The following CC2D1B variants were observed in gnomAD, a reference collection of about 807,000 sequenced individuals.
The protein encoded by CC2D1B is coiled-coil and C2 domain containing 1B, also known as coiled-coil and C2 domain-containing protein 1B.
A neutral mutation model predicts 110.8 loss-of-function variants in CC2D1B; 92 were observed. That is an observed-to-expected ratio of 0.83 (90% CI 0.70 to 0.99). The LOEUF is 0.99. Ranked by LOEUF, CC2D1B falls within the 50% of genes least tolerant of loss-of-function variation. The pLI, the probability that CC2D1B is intolerant of heterozygous loss-of-function variation, is 0.00. For synonymous variants in CC2D1B, 406 were observed against 429.2 expected, an observed-to-expected ratio of 0.95 and a Z score of 0.67; for missense variants, 1,136 against 1,089.0, an observed-to-expected ratio of 1.04 and a Z score of -0.61.
Position 52,362,685 on chromosome 1 carries a change from T to G in CC2D1B, c.131A>C (p.Asp44Ala). The G allele has an allele frequency of 6.2e-7, 1 of 1,614,154 alleles. No individual in the cohort carries two copies. Among genetic ancestry groups the G allele is most frequent in the African/African-American group, 1.3e-5 (1 of 75,036 alleles). Residue 44 changes from aspartate to alanine, a missense_variant, in exon 3 of 25, where the codon GAT (aspartate) becomes GCT (alanine). Transcript: ENST00000284376. Reference protein sequence around the residue: ...DMLLGMDEAEDDEDLEAELLA... With the variant: ...DMLLGMDEAEADEDLEAELLA... ...CAGCTCAGCCTCCAGGTCCTCATCATCTTCAGCCTCATCCATGCCCAGCAG... is the reference window on the plus strand; with the variant it reads ...CAGCTCAGCCTCCAGGTCCTCATCAGCTTCAGCCTCATCCATGCCCAGCAG...
In CC2D1B at chr1:52,351,402, G is replaced by A. The variant is rs546234564; in HGVS notation, c.*1823C>T. On this transcript the variant is annotated 3_prime_UTR_variant, in exon 25 of 25. Coordinates refer to ENST00000284376, the MANE Select transcript of CC2D1B (RefSeq NM_001330585.2). ...CCGTAACCCTCTTAGGAAGCACTGG[G>A]TTGGATACACACCCTAAGGGGAGTA... 26 of 152,290 alleles carry A rather than the reference G, an allele frequency of 1.7e-4. No homozygotes were observed. Among genetic ancestry groups the A allele is most frequent in the African/African-American group, 5.8e-4 (24 of 41,540 alleles). 9.4% of individuals were successfully genotyped at this position (152,290 alleles called of 1,614,324 possible).
At chr1:52,356,535 C>T (rs1646656791) in intron 16 of CC2D1B, 93 bp from the exon 17 acceptor site, 1 of 1,336,712 alleles carries the variant, frequency 7.5e-7, no homozygotes. Context: ...TTCAACTTTC[C>T]TCTGTAGCCT....
At chr1:52,362,193 C>A (rs77106171) in intron 3 of CC2D1B, among the ~76,000 whole-genome samples, 6 of 152,132 alleles carry the variant, frequency 3.9e-5, no homozygotes, top group Non-Finnish European at 8.8e-5. Flanking sequence ...AAAGAGAGGA[C>A]GATTTAGACC....
intron 24 of CC2D1B, 121 bp from the exon 25 acceptor site, chr1:52,353,344 T>C: frequency 6.7e-7 from 1 of 1,493,058 alleles, no homozygotes; most frequent in Non-Finnish European, 8.9e-7. Flanking sequence ...AAGGTTACCT[T>C]CTCTTCCCAG....
chr1:52,359,234 C>G lies in CC2D1B; in HGVS notation c.1126+16G>C. 2 of 1,611,438 alleles carry G rather than the reference C, an allele frequency of 1.2e-6. No homozygotes were observed. Reference sequence around the variant, plus strand: ...CCTGCAGGTCCCCACGCCACAGTCCCACCATCCTGCCCTACCTGGGGTTGC... The same window carrying G: ...CCTGCAGGTCCCCACGCCACAGTCCGACCATCCTGCCCTACCTGGGGTTGC... On this transcript the variant is annotated intron_variant, in intron 10 of 24. Coordinates refer to ENST00000284376, the MANE Select transcript of CC2D1B (RefSeq NM_001330585.2).
In CC2D1B at chr1:52,357,679, C is replaced by T. The variant is rs1215456825; in HGVS notation, c.1599G>A (p.Leu533=). Residue 533 remains leucine, a synonymous_variant, in exon 15 of 25, where the codon CTG becomes CTA. Transcript: ENST00000284376. ...GATACTGCAGTTTCCGTGCCTCCAG[C>T]AGTGCCAGCTGCTCCCGCACTGAAG... ...PSPSVREQLA[L]LEARKLQYQR... The T allele has an allele frequency of 2.5e-6, 4 of 1,604,834 alleles. No individual in the cohort carries two copies. In the Admixed American group the frequency reaches 5.1e-5, roughly 21 times the overall value.
Position 52,353,648 on chromosome 1 carries a change from C to T in CC2D1B, c.2431-1G>A. ...CGGTGGGCTTCCTTCCATCCAGGACCTGTGAGGACCACAGAGAGGGAAATG... is the reference window on the plus strand; with the variant it reads ...CGGTGGGCTTCCTTCCATCCAGGACTTGTGAGGACCACAGAGAGGGAAATG... On this transcript the variant is annotated splice_acceptor_variant, in intron 23 of 24. Coordinates refer to ENST00000284376, the MANE Select transcript of CC2D1B (RefSeq NM_001330585.2). LOFTEE classifies it high-confidence loss of function. The T allele has an allele frequency of 1.3e-6, 2 of 1,594,870 alleles. No individual in the cohort carries two copies. Among genetic ancestry groups the T allele is most frequent in the Non-Finnish European group, 1.7e-6 (2 of 1,170,284 alleles).
In CC2D1B at chr1:52,356,635, TGAG is replaced by T. The variant is rs1646659314; in HGVS notation, c.1879-196_1879-194del. 5 of 638,456 alleles carry T rather than the reference TGAG, an allele frequency of 7.8e-6. No individual in the cohort carries two copies. The South Asian group carries it at 9.9e-5, about 13-fold the overall frequency. The allele number at this position is 638,456 out of a possible 1,614,324, so 39.5% of individuals were successfully genotyped here. On this transcript the variant is annotated intron_variant, in intron 16 of 24. Coordinates refer to ENST00000284376, the MANE Select transcript of CC2D1B (RefSeq NM_001330585.2). ...CCTACACTTTTGTCATTTTCTCTTCTGAGGAGAGCCATTCCCCAAATTAGCAAC... is the reference window on the plus strand; with the variant it reads ...CCTACACTTTTGTCATTTTCTCTTCTGAGAGCCATTCCCCAAATTAGCAAC...
Position 52,353,584 on chromosome 1 carries a change from G to A in CC2D1B, c.2494C>T (p.Leu832=). The part of the protein sequence containing the change: ...LEVKVRLREP[L]SGQDVQMVTE... ...ACCATCTGCACATCCTGGCCACTCA[G>A]AGGCTCCCGCAGCCTCACCTTCACC... The change falls in exon 24 of 25, where the codon CTG becomes TTG. Residue 832 remains leucine, a synonymous_variant. Coordinates refer to ENST00000284376, the MANE Select transcript of CC2D1B (RefSeq NM_001330585.2). The A allele has an allele frequency of 6.2e-7, 1 of 1,613,812 alleles. No homozygotes were observed.
rs1646768358 is a variant in CC2D1B at position 52,360,957 on chromosome 1, C to T, written c.477+17G>A. ...ACAGGAGCATCAGAGGCACAGGGGC[C>T]CTCCTCCAGAACCCACCTGAGCTGC... On this transcript the variant is annotated intron_variant, in intron 5 of 24. Transcript: ENST00000284376. 6.2e-7 allele frequency: 1 copy of T among 1,613,468 alleles called. No homozygotes were observed. Among genetic ancestry groups the T allele is most frequent in the Admixed American group, 1.7e-5 (1 of 59,996 alleles).
chr1:52,358,870 C>A, intron 11 of CC2D1B, 112 bp from the exon 12 acceptor site: 4 of 1,429,732 alleles, frequency 2.8e-6, no homozygotes, highest in Non-Finnish European at 2.9e-6. Context: ...GACAGCAGCC[C>A]TGGGAGAAAA....
intron 2 of CC2D1B, 87 bp downstream of exon 2, chr1:52,364,465 G>A (rs181058383): frequency 6.5e-6 from 5 of 767,868 alleles, no homozygotes; most frequent in Admixed American, 2.7e-5. Context: ...ACTAATGGGG[G>A]AACTACATGT....
At chr1:52,361,414 G>T in intron 4 of CC2D1B, 99 bp downstream of exon 4, 1 of 1,569,694 alleles carries the variant, frequency 6.4e-7, no homozygotes. Context: ...CTCAGAGTCA[G>T]AGAATACAGG....
chr1:52,356,155 C>T, intron 18 of CC2D1B, 31 bp downstream of exon 18: 7 of 1,566,512 alleles, frequency 4.5e-6, no homozygotes, highest in Admixed American at 1.7e-5. Flanking sequence ...CCCTCCCTGC[C>T]TGGAGCCCCT....
At position 52,355,638 on chromosome 1, in the gene CC2D1B, A is replaced by C. The variant is rs1372043755; in HGVS notation, c.2157T>G (p.Phe719Leu). 6.2e-7 allele frequency: 1 copy of C among 1,614,096 alleles called. No homozygotes were observed. Among genetic ancestry groups the C allele is most frequent in the Non-Finnish European group, 8.5e-7 (1 of 1,180,046 alleles). The change falls in exon 20 of 25, where the codon TTT (phenylalanine) becomes TTG (leucine). Residue 719 changes from phenylalanine to leucine, a missense_variant. Physicochemically the swap from Phe to Leu is conservative, Grantham distance 22. Coordinates refer to ENST00000284376, the MANE Select transcript of CC2D1B (RefSeq NM_001330585.2). ...PGVTPDDLDAFVRFEFHYPNS... is the reference protein window; with the variant it reads ...PGVTPDDLDALVRFEFHYPNS... ...TAGGGTAGTGAAACTCAAACCGCAC[A>C]AAAGCATCCAGGTCATCGGGAGTCA...
Position 52,362,665 on chromosome 1 carries a change from C to G in CC2D1B, c.151G>C (p.Glu51Gln). Residue 51 changes from glutamate (E) to glutamine (Q), a missense_variant, in exon 3 of 25, where the codon GAG becomes CAG. Glu to Gln is a conservative substitution (Grantham distance 29). Transcript: ENST00000284376. ...GCTTCCCCTGTGAGAGCCAGCAGCT[C>G]AGCCTCCAGGTCCTCATCATCTTCA... ...EAEDDEDLEA[E>Q]LLALTGEAQT... 1 of 1,614,200 alleles carries G rather than the reference C, an allele frequency of 6.2e-7. No homozygotes were observed. Among genetic ancestry groups the G allele is most frequent in the Non-Finnish European group, 8.5e-7 (1 of 1,180,034 alleles).
chr1:52,364,493 T>A, intron 2 of CC2D1B, 59 bp downstream of exon 2: 1 of 1,177,982 alleles, frequency 8.5e-7, no homozygotes, highest in Non-Finnish European at 1.2e-6. Flanking sequence ...TTTGCCTAAG[T>A]TGTCTAGGGA....
chr1:52,358,621 T>A (rs1557547990), intron 12 of CC2D1B, 65 bp downstream of exon 12: 6 of 1,565,524 alleles, frequency 3.8e-6, no homozygotes. Flanking sequence ...TCACTGGCTG[T>A]CCCCCATTCC....
In CC2D1B at chr1:52,354,675, A is replaced by G; in HGVS notation, c.2363T>C (p.Leu788Pro). The change falls in exon 23 of 25, where the codon CTG (leucine) becomes CCG (proline). Residue 788 changes from leucine to proline, a missense_variant. Transcript: ENST00000284376. Reference sequence around the variant, plus strand: ...CAGTTTCAGGTGTGCTGTGCCAACCAGCTTGTCGCTTCTGAAGAAGGACCT... The same window carrying G: ...CAGTTTCAGGTGTGCTGTGCCAACCGGCTTGTCGCTTCTGAAGAAGGACCT... ...HKGSFFRSDK[L>P]VGTAHLKLER... The G allele has an allele frequency of 6.2e-7, 1 of 1,614,220 alleles. No homozygotes were observed. The highest frequency in any genetic ancestry group is 2.2e-5 in the East Asian group (1 of 44,878).
Sources: allele counts gnomAD v4.1 joint callset (sites outside exome capture counted in the v4.1 genomes callset), GRCh38; gene constraint gnomAD v4.1.1; transcripts MANE v1.5; gene names NCBI Gene and HGNC (gene_info 2026-07-23, HGNC 2026-07-21).